The following NMD3 variants were observed in gnomAD, a reference collection of about 807,000 sequenced individuals.
NMD3 encodes 60S ribosomal export protein NMD3.
Under a neutral mutation model 73.1 loss-of-function variants are expected in NMD3, and 47 were observed. The ratio of observed to expected loss-of-function variants is 0.64; its 90% CI spans 0.51 to 0.82. The LOEUF (loss-of-function observed/expected upper bound fraction) is 0.82, where lower values mean the gene tolerates loss of function less well. Among genes scored for constraint, NMD3 ranks in the 40% least tolerant of loss-of-function variants. The pLI is 0.00. For missense variants in NMD3, 554 were observed against 612.5 expected (o/e 0.90, Z 1.01); for synonymous variants, 210 against 194.5 (o/e 1.08, Z -0.66).
intron 10 of NMD3, 82 bp downstream of exon 10, chr3:161,241,245 A>G: frequency 1.2e-6 from 1 of 839,262 alleles, no homozygotes; most frequent in Non-Finnish European, 2.0e-6. Flanking sequence ...TTTTTCAAGC[A>G]TTCTTGCTAA....
intron 7 of NMD3, among the ~76,000 whole-genome samples, chr3:161,237,036 T>C (rs1736783617): frequency 6.6e-6 from 1 of 152,216 alleles, no homozygotes; most frequent in African/African-American, 2.4e-5. Flanking sequence ...AATTTTAGTA[T>C]TGGCTGTTTT....
At chr3:161,230,501 C>T (rs556587225) in intron 4 of NMD3, among the ~76,000 whole-genome samples, 33 of 152,110 alleles carry the variant, frequency 2.2e-4, no homozygotes, top group African/African-American at 6.7e-4. Flanking sequence ...TGTTAGAGTA[C>T]GGAGGGAAAT....
intron 4 of NMD3, among the ~76,000 whole-genome samples, chr3:161,231,439 G>A (rs1214804417): frequency 6.6e-6 from 1 of 152,140 alleles, no homozygotes; most frequent in African/African-American, 2.4e-5. Flanking sequence ...GAGAGGTCAG[G>A]GTATTGTGGG....
At chr3:161,234,441 A>T (rs925791930) in intron 5 of NMD3, among the ~76,000 whole-genome samples, 4 of 108,644 alleles carry the variant, frequency 3.7e-5, no homozygotes, top group Admixed American at 1.9e-4. Context: ...AAAAAAAATT[A>T]TATATATATA....
chr3:161,229,980 A>G (rs1222912921), intron 4 of NMD3, among the ~76,000 whole-genome samples: 1 of 152,220 alleles, frequency 6.6e-6, no homozygotes, highest in Admixed American at 6.5e-5. Context: ...ATGTCATTTA[A>G]ATAGAAATTA....
intron 1 of NMD3, 69 bp from the exon 2 acceptor site, chr3:161,221,925 G>C (rs1736098517): frequency 1.1e-6 from 1 of 944,200 alleles, no homozygotes; most frequent in Non-Finnish European, 1.6e-6. Context: ...AAAAAGAGGA[G>C]ACTAGGTAAA....
chr3:161,235,816 A>G (rs1576849673), intron 7 of NMD3, among the ~76,000 whole-genome samples: 1 of 152,232 alleles, frequency 6.6e-6, no homozygotes, highest in East Asian at 1.9e-4. Flanking sequence ...TTGGTATAAA[A>G]TTGAACAAAT....
downstream of NMD3, among the ~76,000 whole-genome samples, chr3:161,252,601 A>T (rs1160770677): frequency 6.6e-6 from 1 of 152,216 alleles, no homozygotes; most frequent in Non-Finnish European, 1.5e-5. Flanking sequence ...CATACTATAT[A>T]GTAAGGTTCC....
downstream of NMD3, chr3:161,252,828 G>A (rs187257592): frequency 5.2e-5 from 36 of 695,362 alleles, no homozygotes; most frequent in Non-Finnish European, 9.4e-5. Flanking sequence ...GCCAAGTGTG[G>A]TGGTTGACGC....
chr3:161,247,788 T>C (rs1576859842), intron 13 of NMD3, among the ~76,000 whole-genome samples: 2 of 84,100 alleles, frequency 2.4e-5, no homozygotes, highest in Admixed American at 1.2e-4. Context: ...AAACTCAGTC[T>C]CAAAAAAAAA....
rs888994684 is a variant in NMD3, at chr3:161,250,934, T to C, written c.*24T>C. On this transcript the variant is annotated 3_prime_UTR_variant, in exon 16 of 16. Transcript: ENST00000351193. ...AATGAGATGTTGTAGACTGTTTCCATACATGGGCTTAAGAAGTTGGACAGA... is the reference window on the plus strand; with the variant it reads ...AATGAGATGTTGTAGACTGTTTCCACACATGGGCTTAAGAAGTTGGACAGA... The C allele has an allele frequency of 1.3e-6, 2 of 1,598,586 alleles. No homozygotes were observed. The highest frequency in any genetic ancestry group is 2.7e-5 in the African/African-American group (2 of 74,554).
At chr3:161,242,714 CCCTCTTTT>C in intron 11 of NMD3, 61 bp downstream of exon 11, 2 of 1,507,634 alleles carry the variant, frequency 1.3e-6, no homozygotes, top group South Asian at 1.3e-5. Context: ...TTGTTTCAGT[CCCTCTTTT>C]AAAAAAAATT....
At chr3:161,244,804 G>A (rs1430460700) in intron 11 of NMD3, among the ~76,000 whole-genome samples, 1 of 151,692 alleles carries the variant, frequency 6.6e-6, no homozygotes, top group African/African-American at 2.4e-5. Flanking sequence ...TTAATTTTTT[G>A]TAGAGTCAAT....
chr3:161,243,308 A>G (rs529968509), intron 11 of NMD3, among the ~76,000 whole-genome samples: 3 of 152,222 alleles, frequency 2.0e-5, no homozygotes, highest in African/African-American at 7.2e-5. Flanking sequence ...AGTTGTGTGA[A>G]TGTAGTCTCT....
chr3:161,246,345 G>C lies in NMD3; in HGVS notation c.1027G>C (p.Gly343Arg), dbSNP rs371925040. Residue 343 changes from glycine to arginine, a missense_variant, in exon 12 of 16, where the codon GGG (glycine) becomes CGG (arginine). Transcript: ENST00000351193. The stretch of plus-strand genomic sequence containing the variant: ...TTTCTTTCCTCTTAAGCATACCCTC[G>C]GGGAAGTCTGGGTACAGAAGACATC... ...AGMISKKHTL[G>R]EVWVQKTSEM... 1 of 1,397,916 alleles carries C rather than the reference G, an allele frequency of 7.2e-7. No individual in the cohort carries two copies. The highest frequency in any genetic ancestry group is 1.8e-5 in the Admixed American group (1 of 55,712). The allele number at this position is 1,397,916 out of a possible 1,614,324, so 86.6% of individuals were successfully genotyped here. A position where few individuals can be genotyped will look rare whatever the true frequency, so the allele number is the denominator to read the frequency against.
chr3:161,226,764 A>C (rs1736334033), intron 3 of NMD3, among the ~76,000 whole-genome samples: 1 of 152,234 alleles, frequency 6.6e-6, no homozygotes, highest in Non-Finnish European at 1.5e-5. Context: ...ATGTTGTTTT[A>C]CAATTTACAA....
At chr3:161,221,951 A>G (rs1486642285) in intron 1 of NMD3, 43 bp from the exon 2 acceptor site, 1 of 1,161,142 alleles carries the variant, frequency 8.6e-7, no homozygotes, top group Non-Finnish European at 1.2e-6. Context: ...TTAAATCCCA[A>G]CATTCTCTTT....
intron 2 of NMD3, among the ~76,000 whole-genome samples, chr3:161,223,666 G>A (rs1355681489): frequency 6.6e-6 from 1 of 152,206 alleles, no homozygotes; most frequent in African/African-American, 2.4e-5. Flanking sequence ...GTTCACCTAA[G>A]CTATGGTCCT....
In NMD3 at chr3:161,237,767, ATCCACCCAGC is replaced by A. The variant is rs922641993; in HGVS notation, c.578-343_578-334del. On this transcript the variant is annotated intron_variant, in intron 7 of 15. Transcript: ENST00000351193. Reference sequence around the variant, plus strand: ...ATGGTCTTGATCTCCTGACCTCATGATCCACCCAGCTCAGCCTCCCAAAGTGCTGGGATTA... The same window carrying A: ...ATGGTCTTGATCTCCTGACCTCATGATCAGCCTCCCAAAGTGCTGGGATTA... Among the ~76,000 whole-genome samples, 73 of 152,010 alleles carry A rather than the reference ATCCACCCAGC, an allele frequency of 4.8e-4. 1 individual carries two copies. In the Middle Eastern group the frequency reaches 0.01, roughly 21 times the overall value.
Sources: gnomAD v4.1 joint callset for allele counts (sites outside exome capture counted in the v4.1 genomes callset) on GRCh38, gnomAD v4.1.1 for gene constraint, MANE v1.5 for transcripts, NCBI Gene and HGNC (gene_info 2026-07-23, HGNC 2026-07-21) for gene names.